Variants in TMEM232 observed in about 807,000 individuals in gnomAD.
TMEM232 encodes transmembrane protein 232.
In TMEM232, 80 loss-of-function variants were observed where a neutral mutation model predicts 78.8. The observed-to-expected ratio is 1.01, with a 90% confidence interval of 0.85 to 1.22. The LOEUF is 1.22. Ranked by LOEUF, TMEM232 falls within the 50% of genes most tolerant of loss-of-function variation. The pLI, the probability that TMEM232 is intolerant of heterozygous loss-of-function variation, is 0.00. For missense variants in TMEM232, 881 were observed against 742.2 expected, an observed-to-expected ratio of 1.19 and a Z score of -2.17; for synonymous variants, 297 against 254.3, an observed-to-expected ratio of 1.17 and a Z score of -1.60.
chr5:110,654,168 G>C (rs1026082627), intron 2 of TMEM232, among the ~76,000 whole-genome samples: 1 of 152,122 alleles, frequency 6.6e-6, no homozygotes, highest in Non-Finnish European at 1.5e-5. Flanking sequence ...TTCTGTATTA[G>C]TCCATATGAC....
intron 3 of TMEM232, among the ~76,000 whole-genome samples, chr5:110,393,118 A>G (rs1580542524): frequency 6.6e-6 from 1 of 152,196 alleles, no homozygotes; most frequent in Non-Finnish European, 1.5e-5. Context: ...ATAGACATGT[A>G]CACTTGTGTA....
chr5:110,441,337 T>C (rs761769862), intron 12 of TMEM232, among the ~76,000 whole-genome samples: 3 of 152,126 alleles, frequency 2.0e-5, no homozygotes, highest in Non-Finnish European at 1.5e-5. Flanking sequence ...CCTAACATAA[T>C]TGCAAGGAAA....
At chr5:110,563,746 T>C (rs1471676557) in intron 11 of TMEM232, among the ~76,000 whole-genome samples, 5 of 151,930 alleles carry the variant, frequency 3.3e-5, no homozygotes, top group African/African-American at 1.2e-4. Flanking sequence ...GAAACAAATA[T>C]ATTAATTTTC....
At chr5:110,663,311 G>A (rs984766137) in intron 2 of TMEM232, among the ~76,000 whole-genome samples, 11 of 151,682 alleles carry the variant, frequency 7.3e-5, no homozygotes, top group African/African-American at 2.7e-4. Flanking sequence ...CAAAAACAAA[G>A]TTAAAGGATA....
At chr5:110,467,559 C>T (rs1762214550) in intron 12 of TMEM232, among the ~76,000 whole-genome samples, 1 of 152,028 alleles carries the variant, frequency 6.6e-6, no homozygotes, top group Admixed American at 6.5e-5. Flanking sequence ...GCCATCATAT[C>T]CAGAACTCAT....
chr5:110,688,778 C>T (rs578136958), intron 1 of TMEM232, among the ~76,000 whole-genome samples: 14 of 152,292 alleles, frequency 9.2e-5, no homozygotes, highest in Admixed American at 8.5e-4. Context: ...AAACCTGCCT[C>T]CACCTTTTGG....
intron 12 of TMEM232, among the ~76,000 whole-genome samples, chr5:110,458,189 T>C (rs1321698179): frequency 6.6e-6 from 1 of 152,094 alleles, no homozygotes; most frequent in Admixed American, 6.5e-5. Context: ...GATATTTTTG[T>C]TTCTTCCCTC....
intron 12 of TMEM232, among the ~76,000 whole-genome samples, chr5:110,445,994 A>C (rs1759603009): frequency 6.6e-6 from 1 of 152,166 alleles, no homozygotes; most frequent in African/African-American, 2.4e-5. Flanking sequence ...ACATTCAAAG[A>C]AAGAGATTAC....
chr5:110,664,509 TG>T (rs1247708065), intron 2 of TMEM232, among the ~76,000 whole-genome samples: 1 of 152,236 alleles, frequency 6.6e-6, no homozygotes, highest in African/African-American at 2.4e-5. Context: ...CAGCTGAAAC[TG>T]TATCTCTTGA....
At chr5:110,521,449 G>C (rs1769490823) in intron 12 of TMEM232, among the ~76,000 whole-genome samples, 1 of 152,180 alleles carries the variant, frequency 6.6e-6, no homozygotes, top group East Asian at 1.9e-4. Context: ...ATTTTGCTTT[G>C]CATTAGACTT....
At chr5:110,656,984 A>G (rs1201658372) in intron 2 of TMEM232, among the ~76,000 whole-genome samples, 2 of 152,232 alleles carry the variant, frequency 1.3e-5, no homozygotes, top group African/African-American at 2.4e-5. Context: ...GTTTCAATGC[A>G]TGTGTTCATA....
At chr5:110,572,201 T>C (rs1180519270) in intron 10 of TMEM232, among the ~76,000 whole-genome samples, 2 of 151,968 alleles carry the variant, frequency 1.3e-5, no homozygotes, top group Non-Finnish European at 2.9e-5. Flanking sequence ...AGAAGATAAA[T>C]ATTATTTGGA....
intron 12 of TMEM232, among the ~76,000 whole-genome samples, chr5:110,462,526 G>A (rs1266760921): frequency 6.6e-6 from 1 of 152,178 alleles, no homozygotes; most frequent in Non-Finnish European, 1.5e-5. Flanking sequence ...TCCCGTGCTG[G>A]ATGCTTCCTG....
chr5:110,490,610 A>G (rs1764978660), intron 12 of TMEM232, among the ~76,000 whole-genome samples: 1 of 152,132 alleles, frequency 6.6e-6, no homozygotes, highest in African/African-American at 2.4e-5. Flanking sequence ...TTTAATTTCA[A>G]ACTGTGGGAC....
At chr5:110,411,056 A>G (rs779554729) in intron 2 of TMEM232, among the ~76,000 whole-genome samples, 6 of 152,122 alleles carry the variant, frequency 3.9e-5, no homozygotes, top group Non-Finnish European at 8.8e-5. Context: ...GACTCATGCA[A>G]TCAGCCACTT....
chr5:110,492,938 G>A (rs1045553010), intron 12 of TMEM232, among the ~76,000 whole-genome samples: 4 of 151,952 alleles, frequency 2.6e-5, no homozygotes, highest in African/African-American at 9.7e-5. Flanking sequence ...GTTGGTGAGA[G>A]AGAATGAGAG....
intron 1 of TMEM232, among the ~76,000 whole-genome samples, chr5:110,697,440 T>A (rs1794929125): frequency 6.6e-6 from 1 of 151,976 alleles, no homozygotes; most frequent in African/African-American, 2.4e-5. Flanking sequence ...AAGCCAAAAT[T>A]GACAAATGGG....
intron 11 of TMEM232, among the ~76,000 whole-genome samples, chr5:110,535,490 G>C (rs1772212211): frequency 6.6e-6 from 1 of 152,122 alleles, no homozygotes; most frequent in African/African-American, 2.4e-5. Context: ...CTGTTTAGTA[G>C]TCTCTTCACA....
intron 1 of TMEM232, among the ~76,000 whole-genome samples, chr5:110,668,672 T>C (rs1790930815): frequency 6.6e-6 from 1 of 152,104 alleles, no homozygotes; most frequent in Admixed American, 6.6e-5. Context: ...CAACAGAATA[T>C]ACATTCTTCT....
Sources: allele counts gnomAD v4.1 joint callset (sites outside exome capture counted in the v4.1 genomes callset), GRCh38; gene constraint gnomAD v4.1.1; transcripts MANE v1.5; gene names NCBI Gene and HGNC (gene_info 2026-07-23, HGNC 2026-07-21).